Variants in FBXL20 observed in about 807,000 individuals in gnomAD.
FBXL20 encodes F-box and leucine rich repeat protein 20.
In FBXL20, 11 loss-of-function variants were observed where a neutral mutation model predicts 64.0. The ratio of observed to expected loss-of-function variants is 0.17; its 90% CI spans 0.11 to 0.28. The LOEUF (loss-of-function observed/expected upper bound fraction) is 0.28. Among genes scored for constraint, FBXL20 ranks in the 10% least tolerant of loss-of-function variants. The pLI, the probability that FBXL20 is intolerant of heterozygous loss-of-function variation, is 1.00. For missense variants in FBXL20, 303 were observed against 526.2 expected, an observed-to-expected ratio of 0.58 and a Z score of 4.15; for synonymous variants, 184 against 189.0, an observed-to-expected ratio of 0.97 and a Z score of 0.22.
In FBXL20 at chr17:39,311,406, G is replaced by A. The variant is rs372029379; in HGVS notation, c.105-7767C>T. 8.0e-4 allele frequency among the ~76,000 whole-genome samples: 122 copies of A among 151,874 alleles called. 1 individual carries two copies. The highest frequency in any genetic ancestry group is 2.9e-3 in the African/African-American group (119 of 41,412). On this transcript the variant is annotated intron_variant, in intron 2 of 14. Transcript: ENST00000264658. ...CTCTTTGTTTCCAAGTCTTACCTGG[G>A]TTCTCTATTAAGACTCTTTTTTCTT...
intron 6 of FBXL20, among the ~76,000 whole-genome samples, chr17:39,288,850 C>A (rs940894918): frequency 2.0e-5 from 3 of 151,904 alleles, no homozygotes; most frequent in Admixed American, 2.0e-4. Flanking sequence ...CTGGGAGGCA[C>A]GTGCCGCCAC....
chr17:39,305,990 AAAACAAAC>A (rs753973653), intron 2 of FBXL20, among the ~76,000 whole-genome samples: 1 of 151,402 alleles, frequency 6.6e-6, no homozygotes, highest in East Asian at 1.9e-4. Flanking sequence ...TGTGTCTCAA[AAAACAAAC>A]AAACAAAAAA....
At chr17:39,351,072 C>A (rs554141277) in intron 1 of FBXL20, among the ~76,000 whole-genome samples, 2 of 152,070 alleles carry the variant, frequency 1.3e-5, no homozygotes, top group Non-Finnish European at 2.9e-5. Flanking sequence ...TAGTGGCTCA[C>A]GCCTGTAATC....
At chr17:39,284,837 G>A (rs558859754) in intron 7 of FBXL20, among the ~76,000 whole-genome samples, 1 of 152,308 alleles carries the variant, frequency 6.6e-6, no homozygotes, top group South Asian at 2.1e-4. Flanking sequence ...GAGGTGATAA[G>A]AAAAAGCTCA....
At chr17:39,270,063 C>A (rs2046829621) in intron 11 of FBXL20, among the ~76,000 whole-genome samples, 1 of 152,182 alleles carries the variant, frequency 6.6e-6, no homozygotes, top group Non-Finnish European at 1.5e-5. Context: ...AATTTATAAA[C>A]CCGTCCAAGT....
At chr17:39,281,253 T>C in intron 9 of FBXL20, 136 bp downstream of exon 9, 4 of 724,574 alleles carry the variant, frequency 5.5e-6, no homozygotes, top group Non-Finnish European at 9.3e-6. Context: ...AAAAGTCATC[T>C]GTGTGTTTAC....
At chr17:39,376,120 A>AAAAAT (rs958468326) in intron 1 of FBXL20, among the ~76,000 whole-genome samples, 20 of 152,162 alleles carry the variant, frequency 1.3e-4, no homozygotes, top group South Asian at 2.1e-4. Flanking sequence ...CTCCATCTCA[A>AAAAAT]AAAATAAAAT....
intron 4 of FBXL20, among the ~76,000 whole-genome samples, chr17:39,299,750 TC>T: frequency 6.6e-6 from 1 of 151,168 alleles, no homozygotes; most frequent in East Asian, 2.0e-4. Flanking sequence ...TCCACTGCAC[TC>T]CAGCCTGGGC....
At chr17:39,315,772 G>A (rs957482915) in intron 2 of FBXL20, among the ~76,000 whole-genome samples, 5 of 150,034 alleles carry the variant, frequency 3.3e-5, no homozygotes, top group Non-Finnish European at 7.4e-5. Context: ...ATGGCATGAA[G>A]TGCCCAAACC....
chr17:39,262,104 T>G (rs2046752001), intron 14 of FBXL20, among the ~76,000 whole-genome samples: 1 of 151,942 alleles, frequency 6.6e-6, no homozygotes, highest in Non-Finnish European at 1.5e-5. Flanking sequence ...GGTTGACCTG[T>G]GGCTCTCATT....
intron 6 of FBXL20, among the ~76,000 whole-genome samples, chr17:39,296,559 C>CAAAAA (rs60002793): frequency 1.1e-4 from 7 of 62,160 alleles, no homozygotes; most frequent in East Asian, 5.5e-4. Flanking sequence ...GACTCTGTCT[C>CAAAAA]AAAAAAAAAA....
intron 2 of FBXL20, among the ~76,000 whole-genome samples, chr17:39,325,843 A>G (rs1465526034): frequency 6.6e-6 from 1 of 152,210 alleles, no homozygotes; most frequent in South Asian, 2.1e-4. Context: ...AAAAAAAAAT[A>G]CACTGAATAA....
At chr17:39,372,024 C>A (rs2047922891) in intron 1 of FBXL20, among the ~76,000 whole-genome samples, 1 of 152,300 alleles carries the variant, frequency 6.6e-6, no homozygotes, top group African/African-American at 2.4e-5. Context: ...ACAGACAAAT[C>A]ATGACCTGCC....
At chr17:39,399,251 C>G (rs1349370421) in intron 1 of FBXL20, among the ~76,000 whole-genome samples, 2 of 152,172 alleles carry the variant, frequency 1.3e-5, no homozygotes, top group Non-Finnish European at 2.9e-5. Context: ...GTAAAATTAT[C>G]AGTTCTTTAA....
intron 10 of FBXL20, among the ~76,000 whole-genome samples, chr17:39,272,688 C>T (rs1168997904): frequency 2.6e-5 from 3 of 116,608 alleles, no homozygotes; most frequent in African/African-American, 1.1e-4. Flanking sequence ...GGCAACAGAG[C>T]CAAACTCTAT....
At chr17:39,338,926 G>A (rs2047555151) in intron 2 of FBXL20, among the ~76,000 whole-genome samples, 1 of 152,006 alleles carries the variant, frequency 6.6e-6, no homozygotes, top group Non-Finnish European at 1.5e-5. Context: ...CAGTACTTTG[G>A]GAGGCTGAGG....
At chr17:39,365,609 T>TA (rs1555612921) in intron 1 of FBXL20, among the ~76,000 whole-genome samples, 4 of 151,422 alleles carry the variant, frequency 2.6e-5, no homozygotes, top group African/African-American at 7.3e-5. Flanking sequence ...CCCAAACCTA[T>TA]GTCCACTACC....
At chr17:39,384,343 G>A (rs1214029007) in intron 1 of FBXL20, among the ~76,000 whole-genome samples, 1 of 151,970 alleles carries the variant, frequency 6.6e-6, no homozygotes, top group Non-Finnish European at 1.5e-5. Context: ...TGGCCAATAC[G>A]GTGAAACCCC....
At chr17:39,311,800 G>A (rs984394096) in intron 2 of FBXL20, among the ~76,000 whole-genome samples, 4 of 152,042 alleles carry the variant, frequency 2.6e-5, no homozygotes, top group Admixed American at 2.0e-4. Context: ...ATATTATATG[G>A]GGGTGGCAGG....
Sources: allele counts gnomAD v4.1 joint callset (sites outside exome capture counted in the v4.1 genomes callset), GRCh38; gene constraint gnomAD v4.1.1; transcripts MANE v1.5; gene names NCBI Gene and HGNC (gene_info 2026-07-23, HGNC 2026-07-21).